Variants in MBD5 observed in about 807,000 individuals in gnomAD.
The protein encoded by MBD5 is methyl-CpG binding domain protein 5.
In MBD5, 13 loss-of-function variants were observed where a neutral mutation model predicts 117.3. The ratio of observed to expected loss-of-function variants is 0.11; its 90% CI spans 0.07 to 0.18. MBD5 has a LOEUF of 0.18. Ranked by LOEUF, MBD5 falls within the 10% of genes least tolerant of loss-of-function variation. MBD5 has a pLI of 1.00. For missense variants in MBD5, 1,879 were observed against 2,093.8 expected (o/e 0.90, Z 2.00); for synonymous variants, 727 against 766.4 (o/e 0.95, Z 0.85).
chr2:148,177,327 C>T (rs1268494509), intron 1 of MBD5, among the ~76,000 whole-genome samples: 3 of 152,150 alleles, frequency 2.0e-5, no homozygotes. Flanking sequence ...GAGAATCTGC[C>T]TCAGCCTAGT....
At chr2:148,287,773 A>C (rs570063328) in intron 3 of MBD5, among the ~76,000 whole-genome samples, 1 of 152,292 alleles carries the variant, frequency 6.6e-6, no homozygotes, top group African/African-American at 2.4e-5. Flanking sequence ...CACTTTTATA[A>C]CAAACTCACT....
chr2:148,484,198 T>C, intron 9 of MBD5, 63 bp downstream of exon 9: 1 of 1,329,656 alleles, frequency 7.5e-7, no homozygotes, highest in South Asian at 1.6e-5. Context: ...TATTTTCTCC[T>C]TTTTAAAAAC....
chr2:148,049,611 G>A (rs577504814), intron 1 of MBD5, among the ~76,000 whole-genome samples: 49 of 152,122 alleles, frequency 3.2e-4, no homozygotes, highest in African/African-American at 1.1e-3. Context: ...CAATTCCTTG[G>A]TTTTCAGCAT....
intron 1 of MBD5, among the ~76,000 whole-genome samples, chr2:148,057,535 A>G (rs1037892205): frequency 1.1e-4 from 17 of 151,404 alleles, no homozygotes; most frequent in Non-Finnish European, 1.9e-4. Flanking sequence ...ATTGATTTCT[A>G]TGTACATTTA....
At chr2:148,478,240 A>G (rs1224702362) in intron 8 of MBD5, among the ~76,000 whole-genome samples, 3 of 152,246 alleles carry the variant, frequency 2.0e-5, no homozygotes, top group East Asian at 1.9e-4. Context: ...ACACATATGC[A>G]TATACATATA....
At chr2:148,056,811 T>C (rs1372814502) in intron 1 of MBD5, among the ~76,000 whole-genome samples, 1 of 151,946 alleles carries the variant, frequency 6.6e-6, no homozygotes, top group East Asian at 1.9e-4. Flanking sequence ...AGAATTGTGT[T>C]TCTTGAATGC....
intron 4 of MBD5, among the ~76,000 whole-genome samples, chr2:148,418,903 G>T (rs1705508257): frequency 6.6e-6 from 1 of 151,964 alleles, no homozygotes. Context: ...CTAAAAAAGA[G>T]CCAGAATAGC....
chr2:148,220,227 T>G (rs1276680439), intron 2 of MBD5, among the ~76,000 whole-genome samples: 1 of 152,146 alleles, frequency 6.6e-6, no homozygotes, highest in Non-Finnish European at 1.5e-5. Context: ...AATAATAATA[T>G]TTTTAAAAGT....
Position 148,210,208 on chromosome 2 carries a change from T to C in MBD5, c.-830-23037T>C, listed in dbSNP as rs118077351. On this transcript the variant is annotated intron_variant, in intron 2 of 13. Transcript: ENST00000642680. ...TTTAGAGCTACAAGCATTAGCCTAA[T>C]TCCTACATTTTAAATAAGACTTACA... is the stretch of plus-strand genomic sequence containing the variant. Among the ~76,000 whole-genome samples the C allele has an allele frequency of 5.3e-4, 80 of 152,298 alleles. No individual in the cohort carries two copies. The East Asian group carries it at 0.015, about 28-fold the overall frequency.
Position 148,224,152 on chromosome 2 carries a change from A to C in MBD5, c.-830-9093A>C, listed in dbSNP as rs866747384. Among the ~76,000 whole-genome samples, 21 of 152,272 alleles carry C rather than the reference A, an allele frequency of 1.4e-4. No homozygotes were observed. In the South Asian group the frequency reaches 1.9e-3, roughly 14 times the overall value. Reference sequence around the variant, plus strand: ...TTTTGTGACCTAATGTCTTCTCTTGAGAATCATCCATGTGCTGAGGAAAAA... The same window carrying C: ...TTTTGTGACCTAATGTCTTCTCTTGCGAATCATCCATGTGCTGAGGAAAAA... On this transcript the variant is annotated intron_variant, in intron 2 of 13. Coordinates refer to ENST00000642680, the MANE Select transcript of MBD5 (RefSeq NM_001378120.1).
chr2:148,441,089 CTAAG>C (rs1383105035), intron 4 of MBD5, among the ~76,000 whole-genome samples: 3 of 151,972 alleles, frequency 2.0e-5, no homozygotes, highest in African/African-American at 4.8e-5. Flanking sequence ...AGCTCTATTC[CTAAG>C]TGTTATTTTA....
chr2:148,048,842 A>G (rs1694614990), intron 1 of MBD5, among the ~76,000 whole-genome samples: 1 of 152,092 alleles, frequency 6.6e-6, no homozygotes, highest in South Asian at 2.1e-4. Context: ...AAGTGAATAA[A>G]TTTCCTAGGG....
At chr2:148,416,293 C>G (rs1705415466) in intron 4 of MBD5, among the ~76,000 whole-genome samples, 1 of 152,274 alleles carries the variant, frequency 6.6e-6, no homozygotes, top group Admixed American at 6.5e-5. Context: ...GGGCCCCCAG[C>G]TTTGTTCTCT....
At chr2:148,294,092 T>C (rs912675299) in intron 3 of MBD5, among the ~76,000 whole-genome samples, 21 of 152,314 alleles carry the variant, frequency 1.4e-4, no homozygotes, top group African/African-American at 4.8e-4. Context: ...TAGTACTTCT[T>C]GTCATGTAGG....
intron 4 of MBD5, among the ~76,000 whole-genome samples, chr2:148,410,882 G>T (rs779079822): frequency 3.3e-5 from 5 of 152,116 alleles, no homozygotes; most frequent in Non-Finnish European, 7.4e-5. Context: ...TTTAGATTCA[G>T]GGGTACATGT....
chr2:148,220,897 G>T (rs1699671339), intron 2 of MBD5, among the ~76,000 whole-genome samples: 1 of 151,892 alleles, frequency 6.6e-6, no homozygotes, highest in Non-Finnish European at 1.5e-5. Context: ...AGGAGTTTTT[G>T]TACCCATTAA....
intron 1 of MBD5, among the ~76,000 whole-genome samples, chr2:148,028,928 A>T (rs1693969923): frequency 6.6e-6 from 1 of 152,068 alleles, no homozygotes; most frequent in Non-Finnish European, 1.5e-5. Context: ...TGGCCATTTT[A>T]GACAATGTAA....
intron 3 of MBD5, among the ~76,000 whole-genome samples, chr2:148,337,644 A>G (rs1282761788): frequency 6.6e-6 from 1 of 151,870 alleles, no homozygotes; most frequent in East Asian, 1.9e-4. Flanking sequence ...CCCTTTTTAT[A>G]TCTTTAAAAT....
intron 4 of MBD5, among the ~76,000 whole-genome samples, chr2:148,351,806 A>C (rs1311421187): frequency 2.0e-5 from 3 of 152,026 alleles, no homozygotes; most frequent in Non-Finnish European, 2.9e-5. Context: ...CTATGTAAGA[A>C]TTGGGGTGTT....
Sources: allele counts gnomAD v4.1 joint callset (sites outside exome capture counted in the v4.1 genomes callset), GRCh38; gene constraint gnomAD v4.1.1; transcripts MANE v1.5; gene names NCBI Gene and HGNC (gene_info 2026-07-23, HGNC 2026-07-21).